The following CD80 variants were observed in gnomAD, a reference collection of about 807,000 sequenced individuals.
CD80 encodes the protein CD80 molecule, also known as T-lymphocyte activation antigen CD80.
Under a neutral mutation model 27.1 loss-of-function variants are expected in CD80, and 13 were observed. The ratio of observed to expected loss-of-function variants is 0.48; its 90% CI spans 0.31 to 0.76. The LOEUF is 0.76. CD80 is among the 30% of genes least tolerant of loss of function. The pLI is 0.04. For synonymous variants in CD80, 125 were observed against 125.5 expected (o/e 1.00, Z 0.03); for missense variants, 277 against 347.9 (o/e 0.80, Z 1.62).
chr3:119,550,845 G>A (rs1426878626), intron 2 of CD80, among the ~76,000 whole-genome samples: 2 of 152,128 alleles, frequency 1.3e-5, no homozygotes, highest in African/African-American at 4.8e-5. Flanking sequence ...GATCCACACA[G>A]TTCAGGTCCC....
At chr3:119,544,251 G>A (rs1388274443) in intron 3 of CD80, 2 of 395,708 alleles carry the variant, frequency 5.1e-6, no homozygotes, top group Non-Finnish European at 9.3e-6. Flanking sequence ...TTAGTAGCAA[G>A]GCTACATCAA....
At chr3:119,558,745 G>A (rs185079651) in intron 1 of CD80, among the ~76,000 whole-genome samples, 10 of 142,566 alleles carry the variant, frequency 7.0e-5, no homozygotes, top group Admixed American at 1.4e-4. Context: ...CAGCCTAGGC[G>A]ACAGAGTGAG....
chr3:119,547,988 C>CT (rs11342226), intron 2 of CD80, among the ~76,000 whole-genome samples: 18,569 of 147,486 alleles, frequency 0.13, 1,424 homozygotes, highest in Admixed American at 0.18. Context: ...TTTTCTTTTT[C>CT]TTTTTTTTTT....
chr3:119,539,992 C>G (rs1050530963), intron 3 of CD80, among the ~76,000 whole-genome samples: 11 of 152,216 alleles, frequency 7.2e-5, no homozygotes, highest in African/African-American at 2.7e-4. Flanking sequence ...AATAGTCTCA[C>G]TCTGTTGCCC....
In CD80 at chr3:119,557,047, A is replaced by G. The variant is rs79290514; in HGVS notation, c.100+582T>C. Among the ~76,000 whole-genome samples the G allele has an allele frequency of 3.7e-3, 565 of 152,370 alleles. 2 individuals carry two copies. Among genetic ancestry groups the G allele is most frequent in the African/African-American group, 0.013 (540 of 41,584 alleles). On this transcript the variant is annotated intron_variant, in intron 2 of 6. Transcript: ENST00000264246. The stretch of plus-strand genomic sequence containing the variant: ...AACATAATTTTGTGTTAAATCTGAT[A>G]CCACTTAAAGTCAGATGCCAATGTT...
chr3:119,532,498 GAA>G (rs10575529), intron 4 of CD80, among the ~76,000 whole-genome samples: 73,272 of 139,222 alleles, frequency 0.53, 18,215 homozygotes, highest in East Asian at 0.72. Flanking sequence ...AAAAGACAAA[GAA>G]AAAAAAAAAA....
chr3:119,548,674 G>C (rs900474471), intron 2 of CD80, among the ~76,000 whole-genome samples: 20 of 152,126 alleles, frequency 1.3e-4, no homozygotes, highest in Non-Finnish European at 2.9e-5. Context: ...GCCACAGTCA[G>C]TAAGTTAAGC....
At chr3:119,529,044 G>T (rs2082095693) in intron 5 of CD80, among the ~76,000 whole-genome samples, 1 of 151,932 alleles carries the variant, frequency 6.6e-6, no homozygotes, top group African/African-American at 2.4e-5. Flanking sequence ...TGGGTTCCTG[G>T]GTTCAAGCAA....
intron 4 of CD80, among the ~76,000 whole-genome samples, chr3:119,533,198 C>T (rs1362850350): frequency 6.6e-6 from 1 of 152,188 alleles, no homozygotes; most frequent in Non-Finnish European, 1.5e-5. Flanking sequence ...TCTATTGTGA[C>T]ACCTGTTAGA....
intron 3 of CD80, 150 bp from the exon 4 acceptor site, chr3:119,537,568 G>A (rs374664299): frequency 1.3e-4 from 81 of 600,368 alleles, no homozygotes; most frequent in East Asian, 1.2e-3. Flanking sequence ...TTGGGAGGCC[G>A]AGGCAGGTGG....
rs1465350543 is a variant in CD80 at position 119,557,630 on chromosome 3, T to A, written c.99A>T (p.Ser33=). 2 of 1,611,494 alleles carry A rather than the reference T, an allele frequency of 1.2e-6. No homozygotes were observed. The highest frequency in any genetic ancestry group is 1.7e-6 in the Non-Finnish European group (2 of 1,178,452). Residue 33 remains serine, a splice_region_variant and synonymous_variant, in exon 2 of 7, where the codon TCA becomes TCT. Transcript: ENST00000264246. ...LVLAGLSHFC[S]GVIHVTKEVK... The stretch of plus-strand genomic sequence containing the variant: ...GTTAAGTTCCTGAAAGTTGCTTACC[T>A]GAACAGAAGTGAGAAAGACCAGCCA...
At chr3:119,532,312 G>A (rs1200674902) in intron 4 of CD80, among the ~76,000 whole-genome samples, 2 of 151,994 alleles carry the variant, frequency 1.3e-5, no homozygotes, top group African/African-American at 4.8e-5. Context: ...GACCAGCCTG[G>A]CCAACATAGT....
At chr3:119,553,459 G>A (rs1020316042) in intron 2 of CD80, among the ~76,000 whole-genome samples, 1 of 152,150 alleles carries the variant, frequency 6.6e-6, no homozygotes, top group Non-Finnish European at 1.5e-5. Flanking sequence ...ACTTTAAAAC[G>A]TTGAATTTTA....
At position 119,557,631 on chromosome 3, in the gene CD80, G is replaced by C. The variant is rs1356561145; in HGVS notation, c.98C>G (p.Ser33Ter). 1.2e-6 allele frequency: 2 copies of C among 1,612,154 alleles called. No individual in the cohort carries two copies. Among genetic ancestry groups the C allele is most frequent in the Non-Finnish European group, 1.7e-6 (2 of 1,178,648 alleles). ...TTAAGTTCCTGAAAGTTGCTTACCTGAACAGAAGTGAGAAAGACCAGCCAG... is the reference window on the plus strand; with the variant it reads ...TTAAGTTCCTGAAAGTTGCTTACCTCAACAGAAGTGAGAAAGACCAGCCAG... ...LVLAGLSHFC[S>*]GVIHVTKEVK... Residue 33 changes from serine (S) to a stop codon, truncating the protein, a stop_gained and splice_region_variant, in exon 2 of 7, where the codon TCA becomes TGA. Transcript: ENST00000264246. LOFTEE classifies it high-confidence loss of function.
intron 4 of CD80, among the ~76,000 whole-genome samples, chr3:119,532,230 A>G (rs1281555517): frequency 6.6e-6 from 1 of 152,148 alleles, no homozygotes; most frequent in Non-Finnish European, 1.5e-5. Context: ...GGCTGGGCAC[A>G]GTGGCTCACA....
intron 4 of CD80, among the ~76,000 whole-genome samples, chr3:119,535,834 C>G (rs1390394464): frequency 2.0e-5 from 3 of 152,100 alleles, no homozygotes; most frequent in Admixed American, 6.6e-5. Context: ...GCACCAAATC[C>G]CTAAGGGCAG....
intron 2 of CD80, among the ~76,000 whole-genome samples, chr3:119,555,686 G>A (rs1446867285): frequency 6.6e-6 from 1 of 152,224 alleles, no homozygotes; most frequent in Admixed American, 6.5e-5. Context: ...GGCTTTGTTT[G>A]TTGGCCACAC....
chr3:119,557,543 A>G, intron 2 of CD80, 86 bp downstream of exon 2: 1 of 822,798 alleles, frequency 1.2e-6, no homozygotes, highest in East Asian at 2.7e-5. Context: ...TTATAGGATA[A>G]TAGAAGGGAG....
At chr3:119,530,187 A>G (rs547031972) in intron 4 of CD80, among the ~76,000 whole-genome samples, 2 of 152,258 alleles carry the variant, frequency 1.3e-5, no homozygotes, top group Admixed American at 1.3e-4. Context: ...TTAAGTTGAC[A>G]TAAGGAAGAT....
Sources: gnomAD v4.1 joint callset for allele counts (sites outside exome capture counted in the v4.1 genomes callset) on GRCh38, gnomAD v4.1.1 for gene constraint, MANE v1.5 for transcripts, NCBI Gene and HGNC (gene_info 2026-07-23, HGNC 2026-07-21) for gene names.